CEP192: variants seen among roughly 807,000 people sequenced by gnomAD.
CEP192 encodes centrosomal protein of 192 kDa.
In CEP192, 151 loss-of-function variants were observed where a neutral mutation model predicts 271.8. The observed-to-expected ratio is 0.56, with a 90% CI of 0.49 to 0.64. The LOEUF is 0.64. Ranked by LOEUF, CEP192 falls within the 30% of genes least tolerant of loss-of-function variation. CEP192 has a pLI of 0.00. For synonymous variants in CEP192, 995 were observed against 1,076.5 expected, an observed-to-expected ratio of 0.92 and a Z score of 1.48; for missense variants, 2,910 against 3,020.5, an observed-to-expected ratio of 0.96 and a Z score of 0.86.
Position 13,042,376 on chromosome 18 carries a change from T to C in CEP192, c.2067+42T>C, listed in dbSNP as rs748513700. ...GTAAGGAAATCTAAGATTATCTTGT[T>C]GTAGTTCTTATCTAGGATCAAGACG... On this transcript the variant is annotated intron_variant, in intron 15 of 44. Transcript: ENST00000506447. The C allele has an allele frequency of 5.4e-5, 87 of 1,605,164 alleles. No individual in the cohort carries two copies. In the Admixed American group the frequency reaches 1.4e-3, roughly 27 times the overall value.
rs112455603 is a variant in CEP192 at position 13,005,085 on chromosome 18, C to T, written c.291-3371C>T. ...AGCTGTGAGGCTCTAGGGAGAGCGA[C>T]CTGGAAGTGGCACTGAGGGCAAGAA... On this transcript the variant is annotated intron_variant, in intron 3 of 44. Transcript: ENST00000506447. Among the ~76,000 whole-genome samples the T allele has an allele frequency of 7.4e-3, 1,123 of 152,066 alleles. 10 individuals are homozygous for T. The highest frequency in any genetic ancestry group is 0.021 in the African/African-American group (887 of 41,444).
intron 13 of CEP192, among the ~76,000 whole-genome samples, chr18:13,040,572 T>C (rs2036147942): frequency 6.6e-6 from 1 of 152,232 alleles, no homozygotes. Context: ...GCCTCATTTC[T>C]GTTGTTTTAA....
chr18:13,063,842 A>G (rs1053796681), intron 21 of CEP192, among the ~76,000 whole-genome samples: 4 of 149,354 alleles, frequency 2.7e-5, no homozygotes, highest in African/African-American at 9.9e-5. Context: ...TTTTTTTGAA[A>G]TGGAGTCTCG....
intron 40 of CEP192, among the ~76,000 whole-genome samples, chr18:13,112,257 A>C (rs1322809484): frequency 6.6e-6 from 1 of 152,274 alleles, no homozygotes; most frequent in African/African-American, 2.4e-5. Context: ...AAAATCTGGT[A>C]TATCTGTAAA....
Position 12,992,904 on chromosome 18 carries a change from A to G in CEP192, c.-5+1467A>G, listed in dbSNP as rs114219140. Among the ~76,000 whole-genome samples the G allele has an allele frequency of 3.0e-3, 454 of 152,328 alleles. 6 individuals carry two copies. In the East Asian group the frequency reaches 0.037, roughly 12 times the overall value. ...TGAATGTTGCATGAATGACCTTTGC[A>G]TAATTTCTGAGTTTTCTTTGGATTA... is the stretch of plus-strand genomic sequence containing the variant. On this transcript the variant is annotated intron_variant, in intron 1 of 44. Coordinates refer to ENST00000506447, the MANE Select transcript of CEP192 (RefSeq NM_032142.4).
chr18:13,100,845 A>G (rs2039671229), intron 38 of CEP192, among the ~76,000 whole-genome samples: 2 of 152,230 alleles, frequency 1.3e-5, no homozygotes, highest in South Asian at 2.1e-4. Context: ...GCCTGGCTTC[A>G]TCACTTACTC....
chr18:13,067,925 C>A lies in CEP192; in HGVS notation c.4583C>A (p.Ala1528Asp). Reference protein sequence around the residue: ...LPLKLINRTHATVPIRLIINA... With the variant: ...LPLKLINRTHDTVPIRLIINA... The stretch of plus-strand genomic sequence containing the variant: ...CTAAAATTGATAAACCGAACGCATG[C>A]CACTGTGCCAATTAGACTGATTATT... The change falls in exon 22 of 45, where the codon GCC becomes GAC. Residue 1528 changes from alanine (A) to aspartate (D), a missense_variant. Ala to Asp is a moderately radical substitution (Grantham distance 126). Coordinates refer to ENST00000506447, the MANE Select transcript of CEP192 (RefSeq NM_032142.4). 1 of 1,612,664 alleles carries A rather than the reference C, an allele frequency of 6.2e-7. No homozygotes were observed. The highest frequency in any genetic ancestry group is 8.5e-7 in the Non-Finnish European group (1 of 1,178,718).
At chr18:12,997,959 A>G (rs2033363672) in intron 1 of CEP192, among the ~76,000 whole-genome samples, 1 of 152,122 alleles carries the variant, frequency 6.6e-6, no homozygotes, top group Non-Finnish European at 1.5e-5. Context: ...TCCTGAACTC[A>G]AGTGATTCGC....
chr18:13,098,586 G>T (rs1348996218), intron 36 of CEP192, among the ~76,000 whole-genome samples: 22 of 151,612 alleles, frequency 1.5e-4, no homozygotes, highest in Admixed American at 5.9e-4. Context: ...ACGATGGGCG[G>T]CCGGGCAGAG....
At chr18:13,054,027 T>TA (rs1201153704) in intron 18 of CEP192, among the ~76,000 whole-genome samples, 1 of 152,120 alleles carries the variant, frequency 6.6e-6, no homozygotes, top group Non-Finnish European at 1.5e-5. Context: ...GGGGTCTTGC[T>TA]ATGTTGCCAG....
chr18:13,094,010 A>G (rs1335883306), intron 34 of CEP192, among the ~76,000 whole-genome samples: 2 of 152,212 alleles, frequency 1.3e-5, no homozygotes, highest in African/African-American at 4.8e-5. Context: ...TGATGTTTTT[A>G]TGGAGTCCAG....
chr18:13,038,816 A>G (rs1477617101), intron 13 of CEP192, among the ~76,000 whole-genome samples: 1 of 152,218 alleles, frequency 6.6e-6, no homozygotes, highest in Admixed American at 6.5e-5. Context: ...TCTTAACAGC[A>G]CAGTTTTATA....
intron 11 of CEP192, among the ~76,000 whole-genome samples, chr18:13,031,309 G>A (rs1295349358): frequency 6.7e-6 from 1 of 148,576 alleles, no homozygotes; most frequent in Non-Finnish European, 1.5e-5. Context: ...GTGCAGTGGC[G>A]GGATCTCGGC....
At chr18:13,067,497 A>C (rs904884377) in intron 21 of CEP192, among the ~76,000 whole-genome samples, 2 of 152,226 alleles carry the variant, frequency 1.3e-5, no homozygotes, top group African/African-American at 2.4e-5. Context: ...ATCTTTTTAA[A>C]AGGAATTGAG....
Position 13,116,414 on chromosome 18 carries a change from G to T in CEP192, c.7327G>T (p.Glu2443Ter). Residue 2443 changes from glutamate to a stop codon, truncating the protein, a stop_gained, in exon 43 of 45, where the codon GAG becomes TAG. Coordinates refer to ENST00000506447, the MANE Select transcript of CEP192 (RefSeq NM_032142.4). LOFTEE classifies it high-confidence loss of function. ...DVTARGVYAP[E>*]DVYRFRPTSV... ...GACTGCTCGTGGAGTTTATGCCCCA[G>T]AGGATGTGTACAGGTTCCGGCCGAC... The T allele has an allele frequency of 6.2e-7, 1 of 1,613,018 alleles. No homozygotes were observed. Among genetic ancestry groups the T allele is most frequent in the Non-Finnish European group, 8.5e-7 (1 of 1,179,734 alleles).
intron 9 of CEP192, among the ~76,000 whole-genome samples, chr18:13,028,306 G>T: frequency 6.6e-6 from 1 of 152,176 alleles, no homozygotes; most frequent in East Asian, 1.9e-4. Flanking sequence ...CATCCGTAAA[G>T]ACCTTGTTTC....
At chr18:13,048,281 C>G (rs754625584) in intron 15 of CEP192, among the ~76,000 whole-genome samples, 1 of 152,180 alleles carries the variant, frequency 6.6e-6, no homozygotes, top group Non-Finnish European at 1.5e-5. Context: ...GTGAGTCTTT[C>G]TTTTGTCCAG....
chr18:12,997,656 T>G (rs2033338659), intron 1 of CEP192, among the ~76,000 whole-genome samples: 1 of 152,168 alleles, frequency 6.6e-6, no homozygotes. Flanking sequence ...TTGGGTTTTC[T>G]TACATAGAAC....
At chr18:13,058,410 G>C (rs996496349) in intron 20 of CEP192, 3 of 152,374 alleles carry the variant, frequency 2.0e-5, no homozygotes, top group Non-Finnish European at 4.4e-5. Context: ...CTTCCCTCGT[G>C]CCTCTTAGTG....
Sources: gnomAD v4.1 joint callset for allele counts (sites outside exome capture counted in the v4.1 genomes callset) on GRCh38, gnomAD v4.1.1 for gene constraint, MANE v1.5 for transcripts, NCBI Gene and HGNC (gene_info 2026-07-23, HGNC 2026-07-21) for gene names.